DLG2: variants seen among roughly 807,000 people sequenced by gnomAD.
The protein encoded by DLG2 is disks large homolog 2.
Under a neutral mutation model 132.5 loss-of-function variants are expected in DLG2, and 45 were observed. That is an observed-to-expected ratio of 0.34 (90% confidence interval 0.27 to 0.44). DLG2 has a LOEUF of 0.44. Among genes scored for constraint, DLG2 ranks in the 20% least tolerant of loss-of-function variants. The pLI is 1.00. For synonymous variants in DLG2, 424 were observed against 419.6 expected (o/e 1.01, Z -0.13); for missense variants, 1,045 against 1,196.9 (o/e 0.87, Z 1.87).
intron 6 of DLG2, among the ~76,000 whole-genome samples, chr11:84,621,729 TC>T (rs1196823437): frequency 1.3e-5 from 2 of 152,116 alleles, no homozygotes; most frequent in Non-Finnish European, 2.9e-5. Flanking sequence ...GGGCAAAGCA[TC>T]CAAGTGGGCT....
intron 18 of DLG2, among the ~76,000 whole-genome samples, chr11:83,724,498 A>T (rs553226999): frequency 0.25 from 34,527 of 140,040 alleles, 4,605 homozygotes; most frequent in African/African-American, 0.37. Context: ...AGAGAGAGAG[A>T]GAGAGAGAGA....
chr11:84,044,134 C>G (rs1406799598), intron 11 of DLG2, among the ~76,000 whole-genome samples: 1 of 151,718 alleles, frequency 6.6e-6, no homozygotes, highest in African/African-American at 2.4e-5. Flanking sequence ...GCTCTGTCAT[C>G]ATTTGTATGA....
intron 18 of DLG2, among the ~76,000 whole-genome samples, chr11:83,678,976 T>C (rs1239773744): frequency 6.6e-6 from 1 of 152,098 alleles, no homozygotes; most frequent in African/African-American, 2.4e-5. Flanking sequence ...CCCTAAACTC[T>C]GAGAGGGATT....
chr11:84,766,080 G>C (rs1338405766), intron 6 of DLG2, among the ~76,000 whole-genome samples: 4 of 151,976 alleles, frequency 2.6e-5, no homozygotes, highest in African/African-American at 7.2e-5. Context: ...TCCTTCCGTA[G>C]CGGCCTTTGC....
At chr11:84,208,655 T>C (rs1208915339) in intron 8 of DLG2, among the ~76,000 whole-genome samples, 1 of 152,086 alleles carries the variant, frequency 6.6e-6, no homozygotes, top group African/African-American at 2.4e-5. Flanking sequence ...GAATAAACTT[T>C]TTAAAATAAA....
chr11:85,280,666 C>A (rs1162985548), intron 4 of DLG2, among the ~76,000 whole-genome samples: 1 of 151,750 alleles, frequency 6.6e-6, no homozygotes, highest in Admixed American at 6.6e-5. Context: ...CCAAAAAAAC[C>A]CATAAATGAA....
At chr11:84,154,793 C>T (rs554076625) in intron 9 of DLG2, among the ~76,000 whole-genome samples, 2 of 152,246 alleles carry the variant, frequency 1.3e-5, no homozygotes, top group Non-Finnish European at 2.9e-5. Context: ...ATGATGGTTT[C>T]CAGCTTCACC....
At chr11:85,125,737 T>C (rs1203329496) in intron 5 of DLG2, among the ~76,000 whole-genome samples, 1 of 151,986 alleles carries the variant, frequency 6.6e-6, no homozygotes, top group African/African-American at 2.4e-5. Context: ...ATATGAAGGA[T>C]CACCAGGTTG....
At chr11:84,664,714 C>T (rs1232112153) in intron 6 of DLG2, among the ~76,000 whole-genome samples, 1 of 152,112 alleles carries the variant, frequency 6.6e-6, no homozygotes, top group Non-Finnish European at 1.5e-5. Context: ...TTCAGAGATG[C>T]TCTGGCTGTG....
Position 85,283,215 on chromosome 11 carries a change from T to G in DLG2, c.186+2005A>C, listed in dbSNP as rs150046981. ...TTTACCTATATAACAAACATGCACA[T>G]GTACCCCTGAATTTAAAATAAAAGT... On this transcript the variant is annotated intron_variant, in intron 4 of 27. Coordinates refer to ENST00000376104, the MANE Select transcript of DLG2 (RefSeq NM_001142699.3). Among the ~76,000 whole-genome samples, 89 of 151,944 alleles carry G rather than the reference T, an allele frequency of 5.9e-4. 1 individual carries two copies. In the East Asian group the frequency reaches 0.016, roughly 28 times the overall value.
At chr11:84,783,508 C>A (rs1016886145) in intron 6 of DLG2, among the ~76,000 whole-genome samples, 8 of 152,172 alleles carry the variant, frequency 5.3e-5, no homozygotes, top group African/African-American at 1.9e-4. Flanking sequence ...TCCATGAAAT[C>A]TTCAGAGCTC....
chr11:85,136,541 C>G (rs1430926493), intron 5 of DLG2, among the ~76,000 whole-genome samples: 2 of 151,980 alleles, frequency 1.3e-5, no homozygotes, highest in African/African-American at 4.8e-5. Context: ...AAGTCTTTGG[C>G]AAGATAAAAA....
chr11:83,861,333 A>C (rs565767085), intron 16 of DLG2, among the ~76,000 whole-genome samples: 1 of 152,312 alleles, frequency 6.6e-6, no homozygotes, highest in South Asian at 2.1e-4. Context: ...TTCCTCAAAA[A>C]ACTAAAAATT....
chr11:83,945,008 T>C (rs905413652), intron 14 of DLG2, among the ~76,000 whole-genome samples: 1 of 152,160 alleles, frequency 6.6e-6, no homozygotes, highest in African/African-American at 2.4e-5. Context: ...GAATTCTAGA[T>C]TATTACAAGA....
intron 6 of DLG2, among the ~76,000 whole-genome samples, chr11:84,863,673 G>C (rs953553244): frequency 4.6e-5 from 7 of 152,154 alleles, no homozygotes; most frequent in Non-Finnish European, 8.8e-5. Context: ...GGCAAGGAAG[G>C]AGCTTAGACT....
intron 7 of DLG2, among the ~76,000 whole-genome samples, chr11:84,325,571 G>C (rs1295429225): frequency 1.3e-5 from 2 of 151,884 alleles, no homozygotes; most frequent in Admixed American, 1.3e-4. Flanking sequence ...TTCGTATGTT[G>C]AACCATTCTT....
intron 4 of DLG2, among the ~76,000 whole-genome samples, chr11:85,250,835 G>A (rs993743021): frequency 6.6e-6 from 1 of 151,898 alleles, no homozygotes; most frequent in East Asian, 1.9e-4. Context: ...TCTTCAAATG[G>A]TCATATTTTT....
intron 3 of DLG2, among the ~76,000 whole-genome samples, chr11:85,378,739 C>T (rs1013682521): frequency 1.3e-5 from 2 of 152,022 alleles, no homozygotes; most frequent in African/African-American, 4.8e-5. Flanking sequence ...TTAATACATG[C>T]CATTAAAATA....
chr11:84,183,206 G>C (rs75583369), intron 8 of DLG2, among the ~76,000 whole-genome samples: 5,880 of 152,220 alleles, frequency 0.039, 168 homozygotes, highest in Non-Finnish European at 0.06. Context: ...TTCCAGAAAA[G>C]AGAAGCACAA....
Sources: gnomAD v4.1 joint callset for allele counts (sites outside exome capture counted in the v4.1 genomes callset) on GRCh38, gnomAD v4.1.1 for gene constraint, MANE v1.5 for transcripts, NCBI Gene and HGNC (gene_info 2026-07-23, HGNC 2026-07-21) for gene names.